ADAMTS2: variants seen among roughly 807,000 people sequenced by gnomAD.
ADAMTS2 encodes ADAM metallopeptidase with thrombospondin type 1 motif 2.
ADAMTS2 carries 50 observed loss-of-function variants against 123.0 expected under a neutral mutation model. The observed-to-expected ratio is 0.41, with a 90% confidence interval of 0.32 to 0.51. The LOEUF (loss-of-function observed/expected upper bound fraction) is 0.51. ADAMTS2 is among the 20% of genes least tolerant of loss of function. The pLI, the probability that ADAMTS2 is intolerant of heterozygous loss-of-function variation, is 0.35. For synonymous variants in ADAMTS2, 678 were observed against 695.4 expected (o/e 0.98, Z 0.39); for missense variants, 1,494 against 1,705.2 (o/e 0.88, Z 2.18).
chr5:179,231,098 G>A (rs1581207606), intron 3 of ADAMTS2, among the ~76,000 whole-genome samples: 2 of 152,072 alleles, frequency 1.3e-5, no homozygotes, highest in Non-Finnish European at 2.9e-5. Context: ...GTAATGGTAC[G>A]CAGACCCCCT....
At chr5:179,140,143 G>A in intron 10 of ADAMTS2, 108 bp from the exon 11 acceptor site, 9 of 1,529,930 alleles carry the variant, frequency 5.9e-6, no homozygotes, top group South Asian at 1.1e-5. Flanking sequence ...CCCCACTCTG[G>A]GGCACAGGGG....
intron 3 of ADAMTS2, among the ~76,000 whole-genome samples, chr5:179,250,791 C>A (rs1368606077): frequency 2.6e-5 from 4 of 152,246 alleles, no homozygotes; most frequent in African/African-American, 4.8e-5. Context: ...ACTTTCGAAA[C>A]CTGGCTGATG....
At chr5:179,326,703 C>T (rs531110190) in intron 2 of ADAMTS2, among the ~76,000 whole-genome samples, 2 of 152,218 alleles carry the variant, frequency 1.3e-5, no homozygotes, top group African/African-American at 4.8e-5. Flanking sequence ...GAGTAGTTAC[C>T]GTCATCAGCT....
intron 4 of ADAMTS2, among the ~76,000 whole-genome samples, chr5:179,186,681 G>C (rs955668699): frequency 2.0e-5 from 3 of 152,234 alleles, no homozygotes; most frequent in Non-Finnish European, 4.4e-5. Flanking sequence ...GCAGAGCAGA[G>C]AGTCGACTGA....
intron 2 of ADAMTS2, among the ~76,000 whole-genome samples, chr5:179,294,749 C>T (rs779170593): frequency 2.6e-5 from 4 of 152,236 alleles, no homozygotes; most frequent in African/African-American, 7.2e-5. Flanking sequence ...GCTGGCCAAG[C>T]GGAGGGGCTT....
intron 3 of ADAMTS2, among the ~76,000 whole-genome samples, chr5:179,259,720 A>T (rs1191437818): frequency 6.6e-6 from 1 of 152,186 alleles, no homozygotes; most frequent in Admixed American, 6.5e-5. Flanking sequence ...CTGGCATCAG[A>T]CATTCCCAAA....
rs181281579 is a variant in ADAMTS2 at position 179,260,397 on chromosome 5, G to A, written c.688+12514C>T. On this transcript the variant is annotated intron_variant, in intron 3 of 21. Transcript: ENST00000251582. The surrounding 1 kb of genome is among the most constrained non-coding windows in gnomAD (Gnocchi z 4.2). The stretch of plus-strand genomic sequence containing the variant: ...GCAAAAGATTCTCCCCGAAGCTAAC[G>A]TGCTAAGTGACCTGGAGACACATCC... Among the ~76,000 whole-genome samples, 56 of 152,300 alleles carry A rather than the reference G, an allele frequency of 3.7e-4. No homozygotes were observed. Among genetic ancestry groups the A allele is most frequent in the Admixed American group, 2.0e-3 (31 of 15,300 alleles).
At position 179,129,090 on chromosome 5, in the gene ADAMTS2, AT is replaced by A. The variant is rs1300194294; in HGVS notation, c.2457+841del. Among the ~76,000 whole-genome samples the A allele has an allele frequency of 1.3e-5, 2 of 152,194 alleles. No individual in the cohort carries two copies. Among genetic ancestry groups the A allele is most frequent in the Non-Finnish European group, 2.9e-5 (2 of 68,046 alleles). On this transcript the variant is annotated intron_variant, in intron 16 of 21. Coordinates refer to ENST00000251582, the MANE Select transcript of ADAMTS2 (RefSeq NM_014244.5). The surrounding 1 kb of genome is among the most constrained non-coding windows in gnomAD (Gnocchi z 4.1). ...GTGTCCGTTTGGGGCTCACGAATCA[AT>A]TTTAGTGAGCAGGTGAATTTGCAAA... is the stretch of plus-strand genomic sequence containing the variant.
At position 179,272,639 on chromosome 5, in the gene ADAMTS2, T is replaced by G. The variant is rs1367543727; in HGVS notation, c.688+272A>C. Among the ~76,000 whole-genome samples the G allele has an allele frequency of 6.6e-6, 1 of 152,156 alleles. No individual in the cohort carries two copies. The highest frequency in any genetic ancestry group is 1.9e-4 in the East Asian group (1 of 5,170). On this transcript the variant is annotated intron_variant, in intron 3 of 21. Coordinates refer to ENST00000251582, the MANE Select transcript of ADAMTS2 (RefSeq NM_014244.5). The surrounding 1 kb of genome is among the most constrained non-coding windows in gnomAD (Gnocchi z 5.8). ...AAGATGGGCCCTTGGACAGCCTTCA[T>G]AGTCCACCATGGAGGCCCCAGACAT...
At position 179,234,396 on chromosome 5, in the gene ADAMTS2, C is replaced by T. The variant is rs1049786071; in HGVS notation, c.689-26681G>A. 2.0e-5 allele frequency among the ~76,000 whole-genome samples: 3 copies of T among 152,234 alleles called. No homozygotes were observed. The highest frequency in any genetic ancestry group is 1.9e-4 in the East Asian group (1 of 5,166). The stretch of plus-strand genomic sequence containing the variant: ...GGGGCCCAGTCCACCGTGCCCTGGA[C>T]GCTGCTCATCCACTAGGACTGGGCT... On this transcript the variant is annotated intron_variant, in intron 3 of 21. Transcript: ENST00000251582. This position sits in a 1 kb window ranked among gnomAD's most constrained non-coding sequence, Gnocchi z 4.7.
chr5:179,160,988 C>T (rs760195079), intron 5 of ADAMTS2, among the ~76,000 whole-genome samples: 6 of 152,346 alleles, frequency 3.9e-5, no homozygotes, highest in South Asian at 2.1e-4. Flanking sequence ...ACCTGAGTGA[C>T]GATGAGACCC....
At chr5:179,137,154 T>C (rs1411853515) in intron 12 of ADAMTS2, among the ~76,000 whole-genome samples, 1 of 152,034 alleles carries the variant, frequency 6.6e-6, no homozygotes, top group African/African-American at 2.4e-5. Flanking sequence ...CTGTGTCACC[T>C]CCAACCCTGC....
chr5:179,330,423 A>C (rs1373038502), intron 2 of ADAMTS2, among the ~76,000 whole-genome samples: 1 of 152,224 alleles, frequency 6.6e-6, no homozygotes, highest in East Asian at 1.9e-4. Flanking sequence ...ACCACAGCTG[A>C]GACTGCCCCA....
chr5:179,153,343 G>T, intron 9 of ADAMTS2, 148 bp downstream of exon 9: 1 of 1,251,480 alleles, frequency 8.0e-7, no homozygotes, highest in Non-Finnish European at 1.1e-6. Context: ...GGGGAGTGGT[G>T]GGTGCAGAGG....
intron 21 of ADAMTS2, among the ~76,000 whole-genome samples, chr5:179,119,939 C>T (rs749168679): frequency 2.0e-5 from 3 of 152,120 alleles, no homozygotes; most frequent in South Asian, 4.1e-4. Context: ...CCCGGAGTCA[C>T]GGTGGGGTGT....
At chr5:179,147,032 T>A (rs1478972471) in intron 10 of ADAMTS2, among the ~76,000 whole-genome samples, 1 of 152,216 alleles carries the variant, frequency 6.6e-6, no homozygotes, top group East Asian at 1.9e-4. Flanking sequence ...TTTAGAGCCC[T>A]TCATTTATTG....
At position 179,181,415 on chromosome 5, in the gene ADAMTS2, G is replaced by T. The variant is rs747156927; in HGVS notation, c.892-260C>A. Among the ~76,000 whole-genome samples, 30 of 152,114 alleles carry T rather than the reference G, an allele frequency of 2.0e-4. No homozygotes were observed. Among genetic ancestry groups the T allele is most frequent in the Non-Finnish European group, 4.3e-4 (29 of 68,028 alleles). On this transcript the variant is annotated intron_variant, in intron 4 of 21. Transcript: ENST00000251582. The surrounding 1 kb of genome is among the most constrained non-coding windows in gnomAD (Gnocchi z 4.1). ...CACCAGCCCAGGGTTTCCTCACCTG[G>T]GGCCTGAACATGGAACGTGGGCAGG...
chr5:179,171,611 G>A (rs1247168777), intron 5 of ADAMTS2, among the ~76,000 whole-genome samples: 1 of 152,218 alleles, frequency 6.6e-6, no homozygotes, highest in Non-Finnish European at 1.5e-5. Context: ...CCGGGATGGA[G>A]CGGACCCCAT....
At chr5:179,248,953 G>A (rs1424233386) in intron 3 of ADAMTS2, among the ~76,000 whole-genome samples, 1 of 152,100 alleles carries the variant, frequency 6.6e-6, no homozygotes, top group African/African-American at 2.4e-5. Context: ...TCTCATGTAT[G>A]ATGATCATTC....
Sources: gnomAD v4.1 joint callset for allele counts (sites outside exome capture counted in the v4.1 genomes callset) on GRCh38, gnomAD v4.1.1 for gene constraint, Gnocchi (gnomAD v3.1) non-coding constraint, MANE v1.5 for transcripts, NCBI Gene and HGNC (gene_info 2026-07-23, HGNC 2026-07-21) for gene names.